Variants in LRRC74B observed in about 807,000 individuals in gnomAD.
LRRC74B encodes leucine-rich repeat-containing protein 74B.
In LRRC74B, 30 loss-of-function variants were observed where a neutral mutation model predicts 16.6. The ratio of observed to expected loss-of-function variants is 1.80; its 90% CI spans 1.35 to 2.45. The LOEUF is 2.45. Among genes scored for constraint, LRRC74B ranks in the 30% most tolerant of loss-of-function variants. The probability of loss-of-function intolerance (pLI) is 0.00; values close to 1 mark genes in which losing one functional copy is unlikely to be tolerated. For synonymous variants in LRRC74B, 134 were observed against 86.0 expected (o/e 1.56, Z -3.09); for missense variants, 326 against 202.4 (o/e 1.61, Z -3.71).
At chr22:21,046,913 G>A (rs2148130597) in intron 1 of LRRC74B, among the ~76,000 whole-genome samples, 1 of 152,098 alleles carries the variant, frequency 6.6e-6, no homozygotes, top group African/African-American at 2.4e-5. Context: ...CCAACATGGT[G>A]AAACCCCGTC....
chr22:21,050,671 G>C (rs1235534235), intron 4 of LRRC74B, among the ~76,000 whole-genome samples: 18 of 151,648 alleles, frequency 1.2e-4, no homozygotes, highest in Admixed American at 1.2e-3. Flanking sequence ...CCAGCTACAT[G>C]GGAGGCTGAG....
At chr22:21,046,262 T>C in intron 1 of LRRC74B, 137 bp downstream of exon 1, 1 of 609,076 alleles carries the variant, frequency 1.6e-6, no homozygotes, top group Non-Finnish European at 2.9e-6. Context: ...CTGCCTTCCC[T>C]TCATTGCTCC....
chr22:21,047,715 A>C (rs1929584910), intron 2 of LRRC74B, among the ~76,000 whole-genome samples, 169 bp from the exon 3 acceptor site: 1 of 152,050 alleles, frequency 6.6e-6, no homozygotes, highest in Non-Finnish European at 1.5e-5. Context: ...CTGGGGGGTC[A>C]GGGAGAGCTG....
chr22:21,054,783 G>A lies in LRRC74B; in HGVS notation c.849-315G>A, dbSNP rs117711314. On this transcript the variant is annotated intron_variant, in intron 6 of 8. Coordinates refer to ENST00000442047, the Ensembl canonical transcript of LRRC74B. ...AGCTAGGTGATTTTCTGGAACAGGC[G>A]TTGTAATGGTGATAGGCATGAGGTG... 3.6e-3 allele frequency among the ~76,000 whole-genome samples: 548 copies of A among 152,356 alleles called. 7 individuals carry two copies. In the East Asian group the frequency reaches 0.039, roughly 11 times the overall value.
At chr22:21,058,302 G>C (rs561065407) in intron 8 of LRRC74B, among the ~76,000 whole-genome samples, 17 of 152,112 alleles carry the variant, frequency 1.1e-4, no homozygotes, top group Admixed American at 3.3e-4. Flanking sequence ...TTGAAGCCTA[G>C]AGTTCAAGAC....
intron 7 of LRRC74B, 50 bp from the exon 8 acceptor site, chr22:21,057,055 C>T (rs973683113): frequency 1.4e-5 from 10 of 714,446 alleles, no homozygotes; most frequent in Non-Finnish European, 2.6e-5. Context: ...ACATTGCTCT[C>T]TGGCCTTCCC....
chr22:21,047,743 T>C (rs1929591349), intron 2 of LRRC74B, 141 bp from the exon 3 acceptor site: 3 of 630,302 alleles, frequency 4.8e-6, no homozygotes, highest in Non-Finnish European at 8.6e-6. Context: ...GGGGAGACCT[T>C]CACAGAGCCT....
intron 1 of LRRC74B, among the ~76,000 whole-genome samples, chr22:21,046,944 C>G (rs1391963818): frequency 6.6e-6 from 1 of 151,804 alleles, no homozygotes; most frequent in Admixed American, 6.6e-5. Context: ...ATACAAAAAA[C>G]TAGCCCAGTG....
chr22:21,048,330 A>C (rs1270551730), intron 3 of LRRC74B: 1 of 359,414 alleles, frequency 2.8e-6, no homozygotes, highest in Non-Finnish European at 5.3e-6. Flanking sequence ...GTCCTTCCAC[A>C]CAGAGAGGTG....
chr22:21,052,331 A>G, exon 5 of LRRC74B: 1 of 717,408 alleles, frequency 1.4e-6, no homozygotes, highest in Non-Finnish European at 2.6e-6. Context: ...GGGGCCCAGG[A>G]GCTGTGGCAT....
In LRRC74B at chr22:21,047,409, C is replaced by T. The variant is rs560973914; in HGVS notation, c.193C>T (p.Arg65Trp). The T allele has an allele frequency of 5.6e-5, 40 of 717,520 alleles. No homozygotes were observed. In the East Asian group the frequency reaches 6.4e-4, roughly 12 times the overall value. 44.4% of individuals were successfully genotyped at this position (717,520 alleles called of 1,614,324 possible). Reference sequence around the variant, plus strand: ...GGACACACTGTACCTGAGGTCTTGCCGGGCCCATAGTGTTGTGCCCATCTC... The same window carrying T: ...GGACACACTGTACCTGAGGTCTTGCTGGGCCCATAGTGTTGTGCCCATCTC... Residue 65 changes from arginine (R) to tryptophan (W), a missense_variant, in exon 2 of 9, where the codon CGG (arginine) becomes TGG (tryptophan). Physicochemically the swap from Arg to Trp is moderately radical, Grantham distance 101. Coordinates refer to ENST00000442047, the Ensembl canonical transcript of LRRC74B.
intron 8 of LRRC74B, among the ~76,000 whole-genome samples, chr22:21,058,170 G>T (rs1238610450): frequency 6.6e-6 from 1 of 151,696 alleles, no homozygotes; most frequent in Non-Finnish European, 1.5e-5. Flanking sequence ...CAAGTGCTGG[G>T]ATTACAGGCA....
chr22:21,060,300 G>A, intron 8 of LRRC74B, 73 bp from the exon 9 acceptor site: 1 of 636,364 alleles, frequency 1.6e-6, no homozygotes, highest in South Asian at 1.9e-5. Flanking sequence ...CTGAGACCTT[G>A]CGTGTGTGAG....
chr22:21,047,832 C>T, intron 2 of LRRC74B, 52 bp from the exon 3 acceptor site: 2 of 711,252 alleles, frequency 2.8e-6, no homozygotes, highest in South Asian at 1.5e-5. Context: ...TGGGCTGAGC[C>T]CTGGAGCATG....
downstream of LRRC74B, among the ~76,000 whole-genome samples, chr22:21,061,385 C>CAG (rs1160028467): frequency 2.0e-5 from 3 of 151,744 alleles, no homozygotes; most frequent in Non-Finnish European, 4.4e-5. Context: ...TCCCCAATAA[C>CAG]GGGATTGGCC....
chr22:21,056,093 G>C (rs1930499861), intron 7 of LRRC74B, among the ~76,000 whole-genome samples: 1 of 152,108 alleles, frequency 6.6e-6, no homozygotes, highest in Non-Finnish European at 1.5e-5. Flanking sequence ...GTGAACTTGC[G>C]GGATTCCTGG....
rs551504860 is a variant in LRRC74B, at chr22:21,058,355, T to G, written c.1023+1155T>G. Among the ~76,000 whole-genome samples, 3 of 152,174 alleles carry G rather than the reference T, an allele frequency of 2.0e-5. No homozygotes were observed. The South Asian group carries it at 6.2e-4, about 32-fold the overall frequency. On this transcript the variant is annotated intron_variant, in intron 8 of 8. Coordinates refer to ENST00000442047, the Ensembl canonical transcript of LRRC74B. ...AAAGGTCCCCATCTCTACAAAAAGCTTTTTAAAAAATTAGCCAGGCATGTG... is the reference window on the plus strand; with the variant it reads ...AAAGGTCCCCATCTCTACAAAAAGCGTTTTAAAAAATTAGCCAGGCATGTG...
At chr22:21,052,767 G>A (rs148414260) in intron 5 of LRRC74B, among the ~76,000 whole-genome samples, 14 of 152,290 alleles carry the variant, frequency 9.2e-5, no homozygotes, top group Middle Eastern at 3.4e-3. Context: ...CATAGGGCTC[G>A]GGAATGGGTG....
intron 1 of LRRC74B, among the ~76,000 whole-genome samples, chr22:21,046,483 A>C (rs966183307): frequency 1.3e-5 from 2 of 152,178 alleles, no homozygotes; most frequent in Non-Finnish European, 2.9e-5. Context: ...CACAGCATGC[A>C]ATTTGGCATC....
Sources: allele counts gnomAD v4.1 joint callset (sites outside exome capture counted in the v4.1 genomes callset), GRCh38; gene constraint gnomAD v4.1.1; transcripts MANE v1.5; gene names NCBI Gene and HGNC (gene_info 2026-07-23, HGNC 2026-07-21).